DUSP10: variants seen among roughly 807,000 people sequenced by gnomAD.
DUSP10 encodes the protein dual specificity phosphatase 10, also known as dual specificity protein phosphatase 10.
DUSP10 carries 14 observed loss-of-function variants against 30.8 expected under a neutral mutation model. The ratio of observed to expected loss-of-function variants is 0.46; its 90% CI spans 0.30 to 0.71. DUSP10 has a LOEUF of 0.71. DUSP10 is among the 30% of genes least tolerant of loss of function. DUSP10 has a pLI of 0.08. For missense variants in DUSP10, 550 were observed against 619.4 expected, an observed-to-expected ratio of 0.89 and a Z score of 1.19; for synonymous variants, 254 against 250.4, an observed-to-expected ratio of 1.01 and a Z score of -0.14.
chr1:221,706,457 C>A lies in DUSP10; in HGVS notation c.821G>T (p.Ser274Ile), dbSNP rs550099163. 1.3e-6 allele frequency: 2 copies of A among 1,511,698 alleles called. No homozygotes were observed. The highest frequency in any genetic ancestry group is 2.7e-5 in the South Asian group (2 of 74,170). 93.6% of individuals were successfully genotyped at this position (1,511,698 alleles called of 1,614,324 possible). ...GTTTTCATGGTTCTGCTTAAAACTA[C>A]TAAGTCCACCTAGAACACAAACACA... Reference protein sequence around the residue: ...KEPLVLKGGLSSFKQNHENLC... With the variant: ...KEPLVLKGGLISFKQNHENLC... Residue 274 changes from serine to isoleucine, a missense_variant, in exon 3 of 4, where the codon AGT (serine) becomes ATT (isoleucine). Transcript: ENST00000366899. The surrounding 1 kb of genome is among the most constrained non-coding windows in gnomAD (Gnocchi z 4.6).
intron 2 of DUSP10, among the ~76,000 whole-genome samples, chr1:221,711,370 A>G (rs1157211804): frequency 6.6e-6 from 1 of 152,234 alleles, no homozygotes; most frequent in East Asian, 1.9e-4. Context: ...TAAGCTAGAA[A>G]GTGAGCTGTT....
At chr1:221,732,912 T>G (rs1000637126) in intron 2 of DUSP10, among the ~76,000 whole-genome samples, 1 of 152,378 alleles carries the variant, frequency 6.6e-6, no homozygotes, top group African/African-American at 2.4e-5. Context: ...TTAGGGGCCC[T>G]CTAAAGTTCC....
intron 1 of DUSP10, among the ~76,000 whole-genome samples, chr1:221,741,772 C>G (rs1040782247): frequency 5.9e-5 from 9 of 152,148 alleles, no homozygotes; most frequent in African/African-American, 2.2e-4. Flanking sequence ...CACAGGGTAG[C>G]AGGAGCCAAC....
chr1:221,713,284 A>G (rs1376773051), intron 2 of DUSP10, among the ~76,000 whole-genome samples: 6 of 152,084 alleles, frequency 3.9e-5, no homozygotes, highest in Admixed American at 3.9e-4. Flanking sequence ...CCTAGTCTAC[A>G]CTCCATCACT....
At chr1:221,719,095 T>C (rs1284616892) in intron 2 of DUSP10, among the ~76,000 whole-genome samples, 2 of 152,220 alleles carry the variant, frequency 1.3e-5, no homozygotes, top group African/African-American at 4.8e-5. Flanking sequence ...ACAAACAGTA[T>C]GTATAACTGT....
intron 2 of DUSP10, among the ~76,000 whole-genome samples, chr1:221,709,334 G>T (rs1024882029): frequency 6.6e-6 from 1 of 151,898 alleles, no homozygotes; most frequent in Non-Finnish European, 1.5e-5. Flanking sequence ...GTGGCGGAGT[G>T]GGGGGAGGAG....
At chr1:221,734,401 C>G (rs746069456) in intron 2 of DUSP10, among the ~76,000 whole-genome samples, 46 of 152,240 alleles carry the variant, frequency 3.0e-4, no homozygotes, top group Non-Finnish European at 5.7e-4. Context: ...GCAACACACA[C>G]ACTCTACTAT....
At chr1:221,717,478 G>GAA (rs1491037706) in intron 2 of DUSP10, among the ~76,000 whole-genome samples, 5 of 145,774 alleles carry the variant, frequency 3.4e-5, no homozygotes, top group African/African-American at 1.0e-4. Context: ...GAGAGAGAGA[G>GAA]AACGCACTGA....
intron 2 of DUSP10, chr1:221,711,604 C>T (rs1426115574): frequency 2.0e-5 from 3 of 152,192 alleles, no homozygotes; most frequent in Non-Finnish European, 2.9e-5. Context: ...AGCCAGATTG[C>T]TTGAGTTAAA....
chr1:221,734,003 T>C (rs1661692193), intron 2 of DUSP10, among the ~76,000 whole-genome samples: 1 of 152,184 alleles, frequency 6.6e-6, no homozygotes, highest in Non-Finnish European at 1.5e-5. Context: ...CAGGACTTCC[T>C]GAAAGACAGG....
chr1:221,736,334 AAACT>A (rs1351914725), intron 2 of DUSP10, among the ~76,000 whole-genome samples: 1 of 152,210 alleles, frequency 6.6e-6, no homozygotes, highest in African/African-American at 2.4e-5. Flanking sequence ...CTCTGAAAAT[AAACT>A]AACAAGCCTT....
At chr1:221,718,094 G>C (rs1226655308) in intron 2 of DUSP10, among the ~76,000 whole-genome samples, 1 of 150,210 alleles carries the variant, frequency 6.7e-6, no homozygotes, top group African/African-American at 2.4e-5. Context: ...GTCAGAATGG[G>C]GGTGGCAGGG....
intron 3 of DUSP10, among the ~76,000 whole-genome samples, chr1:221,704,888 C>T (rs1333774510): frequency 2.0e-5 from 3 of 152,270 alleles, no homozygotes; most frequent in African/African-American, 7.2e-5. Flanking sequence ...AGCAAATCCA[C>T]CAGACCCCAC....
chr1:221,726,262 G>A (rs1448250089), intron 2 of DUSP10, among the ~76,000 whole-genome samples: 1 of 152,190 alleles, frequency 6.6e-6, no homozygotes, highest in Non-Finnish European at 1.5e-5. Context: ...GAGTGCAGTT[G>A]GGTGGGAAGG....
rs190941517 is a variant in DUSP10, at chr1:221,705,922, G to A, written c.1183+173C>T. Among the ~76,000 whole-genome samples, 57 of 152,260 alleles carry A rather than the reference G, an allele frequency of 3.7e-4. 1 individual carries two copies. The highest frequency in any genetic ancestry group is 1.7e-3 in the East Asian group (9 of 5,184). On this transcript the variant is annotated intron_variant, in intron 3 of 3. Coordinates refer to ENST00000366899, the MANE Select transcript of DUSP10 (RefSeq NM_007207.6). ...CCATCCTGATGGCTTGGATACACTCGACAGGCTATGACTTAGGAGAATGCT... is the reference window on the plus strand; with the variant it reads ...CCATCCTGATGGCTTGGATACACTCAACAGGCTATGACTTAGGAGAATGCT...
At chr1:221,707,989 T>A (rs1040305315) in intron 2 of DUSP10, among the ~76,000 whole-genome samples, 1 of 152,188 alleles carries the variant, frequency 6.6e-6, no homozygotes, top group Non-Finnish European at 1.5e-5. Flanking sequence ...AAAGCTCAAA[T>A]TATAATAATA....
chr1:221,728,129 C>T (rs74144916), intron 2 of DUSP10, among the ~76,000 whole-genome samples: 4,579 of 152,268 alleles, frequency 0.03, 234 homozygotes, highest in African/African-American at 0.1. Flanking sequence ...CATGTGATAC[C>T]CTCCACCATG....
rs147550908 is a variant in DUSP10 at position 221,720,573 on chromosome 1, AG to A, written c.812-14108del. Among the ~76,000 whole-genome samples, 647 of 152,320 alleles carry A rather than the reference AG, an allele frequency of 4.2e-3. 4 individuals are homozygous for A. Among genetic ancestry groups the A allele is most frequent in the African/African-American group, 0.015 (620 of 41,558 alleles). On this transcript the variant is annotated intron_variant, in intron 2 of 3. Transcript: ENST00000366899. ...TGTGGGGAAGGTGGGGTAATCTTGT[AG>A]GACTGAGCCACAACTTGTGGGGTCT...
At chr1:221,736,736 GATAATT>G (rs1273433439) in intron 2 of DUSP10, 2 of 896,922 alleles carry the variant, frequency 2.2e-6, no homozygotes, top group East Asian at 1.2e-4. Flanking sequence ...AAATGATAAT[GATAATT>G]ATAAAGTAGA....
Sources: allele counts gnomAD v4.1 joint callset (sites outside exome capture counted in the v4.1 genomes callset), GRCh38; gene constraint gnomAD v4.1.1; non-coding constraint Gnocchi (gnomAD v3.1); transcripts MANE v1.5; gene names NCBI Gene and HGNC (gene_info 2026-07-23, HGNC 2026-07-21).